The following FBXW10B variants were observed in gnomAD, a reference collection of about 807,000 sequenced individuals.
The protein encoded by FBXW10B is F-box and WD repeat domain containing protein 10B.
At chr17:15,606,133 A>G in the FBXW10B span, among the ~76,000 whole-genome samples, 1 of 141,388 alleles carries the variant, frequency 7.1e-6, no homozygotes, top group Non-Finnish European at 1.5e-5. Flanking sequence ...GCACAATAAT[A>G]ACTCCCTGTA....
At chr17:15,594,927 G>C in the FBXW10B span, 4 of 1,611,264 alleles carry the variant, frequency 2.5e-6, no homozygotes, top group Admixed American at 6.7e-5. Context: ...AACTCAGACT[G>C]TGACTCCTCC....
the FBXW10B span, among the ~76,000 whole-genome samples, chr17:15,582,616 A>G: frequency 1.3e-5 from 2 of 150,930 alleles, no homozygotes; most frequent in Admixed American, 6.6e-5. Flanking sequence ...AAAATCCTCT[A>G]GTTACCCCTT....
the FBXW10B span, among the ~76,000 whole-genome samples, chr17:15,602,797 T>C: frequency 0.015 from 1,875 of 121,206 alleles, 327 homozygotes; most frequent in East Asian, 0.045. Context: ...CCGGCTAATT[T>C]TTTGTATTTT....
At chr17:15,616,667 G>A in the FBXW10B span, among the ~76,000 whole-genome samples, 3 of 151,818 alleles carry the variant, frequency 2.0e-5, no homozygotes, top group South Asian at 2.1e-4. Flanking sequence ...TTAGCCGGGC[G>A]TGGTGGTGGC....
the FBXW10B span, among the ~76,000 whole-genome samples, chr17:15,591,171 G>A: frequency 9.2e-5 from 14 of 152,188 alleles, no homozygotes; most frequent in Admixed American, 4.6e-4. Context: ...TTGCCTCCCC[G>A]GAGGCTAGAG....
At chr17:15,612,643 A>C in the FBXW10B span, 1 of 1,611,718 alleles carries the variant, frequency 6.2e-7, no homozygotes, top group Non-Finnish European at 8.5e-7. Flanking sequence ...CTCAGCCTTC[A>C]ATGGCAATTA....
At chr17:15,576,049 C>T in the FBXW10B span, among the ~76,000 whole-genome samples, 4 of 152,128 alleles carry the variant, frequency 2.6e-5, no homozygotes, top group Admixed American at 6.5e-5. Flanking sequence ...TTTCCTAGTT[C>T]GGTTAAAATT....
At chr17:15,591,901 A>T in the FBXW10B span, among the ~76,000 whole-genome samples, 1 of 152,080 alleles carries the variant, frequency 6.6e-6, no homozygotes, top group Admixed American at 6.5e-5. Flanking sequence ...ATAAAGTGAG[A>T]TGATTTCTAA....
At chr17:15,619,516 C>G in the FBXW10B span, 2 of 1,610,654 alleles carry the variant, frequency 1.2e-6, no homozygotes, top group Non-Finnish European at 1.7e-6. Flanking sequence ...TTTCCATGAT[C>G]CTAAGATAAC....
At chr17:15,593,777 C>T in the FBXW10B span, among the ~76,000 whole-genome samples, 5 of 152,060 alleles carry the variant, frequency 3.3e-5, no homozygotes, top group South Asian at 2.1e-4. Flanking sequence ...TACAGTGATG[C>T]GCCACCAAGC....
the FBXW10B span, among the ~76,000 whole-genome samples, chr17:15,605,881 T>C: frequency 0.31 from 41,000 of 131,500 alleles, 8,498 homozygotes; most frequent in African/African-American, 0.53. Flanking sequence ...CTAGTAGATA[T>C]CACAGGAAAT....
the FBXW10B span, among the ~76,000 whole-genome samples, chr17:15,584,126 G>T: frequency 5.3e-5 from 8 of 152,172 alleles, no homozygotes; most frequent in Non-Finnish European, 1.0e-4. Flanking sequence ...TCTAACCAGA[G>T]CTGTGAACAA....
chr17:15,595,701 C>A, the FBXW10B span, among the ~76,000 whole-genome samples: 2 of 152,102 alleles, frequency 1.3e-5, no homozygotes. Context: ...ATCCTGTGTT[C>A]CTGCTGCAAA....
At chr17:15,573,126 A>G in the FBXW10B span, 1 of 152,070 alleles carries the variant, frequency 6.6e-6, no homozygotes, top group African/African-American at 2.4e-5. Context: ...GTGTATCTTC[A>G]CCTTTGTTAC....
At chr17:15,575,951 C>T in the FBXW10B span, among the ~76,000 whole-genome samples, 1 of 152,174 alleles carries the variant, frequency 6.6e-6, no homozygotes, top group Non-Finnish European at 1.5e-5. Context: ...TCAACAAACA[C>T]ATTATGTCAA....
At chr17:15,594,839 G>A in the FBXW10B span, 1 of 1,614,050 alleles carries the variant, frequency 6.2e-7, no homozygotes, top group Non-Finnish European at 8.5e-7. Context: ...GAGAGGAGAT[G>A]CCACTGGTCA....
At chr17:15,599,294 G>A in the FBXW10B span, among the ~76,000 whole-genome samples, 2 of 137,758 alleles carry the variant, frequency 1.5e-5, no homozygotes, top group Non-Finnish European at 3.1e-5. Flanking sequence ...GAAATATCTG[G>A]AGATATTTTT....
At chr17:15,612,940 T>C in the FBXW10B span, 1 of 1,378,542 alleles carries the variant, frequency 7.3e-7, no homozygotes, top group South Asian at 1.5e-5. Context: ...GGGTAAGCCC[T>C]GGCTGCAGCA....
At chr17:15,577,739 T>A in the FBXW10B span, among the ~76,000 whole-genome samples, 1 of 152,216 alleles carries the variant, frequency 6.6e-6, no homozygotes, top group Non-Finnish European at 1.5e-5. Flanking sequence ...TGGTGTTAGA[T>A]GAGTGGAAGT....
Sources: allele counts gnomAD v4.1 joint callset (sites outside exome capture counted in the v4.1 genomes callset), GRCh38; gene constraint gnomAD v4.1.1; transcripts MANE v1.5; gene names NCBI Gene and HGNC (gene_info 2026-07-23, HGNC 2026-07-21).